The following DOCK3 variants were observed in gnomAD, a reference collection of about 807,000 sequenced individuals.
DOCK3 encodes dedicator of cytokinesis protein 3.
In DOCK3, 60 loss-of-function variants were observed where a neutral mutation model predicts 265.6. The observed-to-expected ratio is 0.23, with a 90% confidence interval of 0.18 to 0.28. DOCK3 has a LOEUF of 0.28. Among genes scored for constraint, DOCK3 ranks in the 10% least tolerant of loss-of-function variants. The probability of loss-of-function intolerance (pLI) is 1.00; values close to 1 mark genes in which losing one functional copy is unlikely to be tolerated. For missense variants in DOCK3, 1,981 were observed against 2,594.3 expected (o/e 0.76, Z 5.14); for synonymous variants, 881 against 938.0 (o/e 0.94, Z 1.11).
chr3:50,814,070 A>G (rs1422144713), intron 2 of DOCK3, among the ~76,000 whole-genome samples: 1 of 151,928 alleles, frequency 6.6e-6, no homozygotes, highest in Non-Finnish European at 1.5e-5. Flanking sequence ...TACTAATATA[A>G]TACTAGTATT....
chr3:50,786,945 A>G, intron 2 of DOCK3: 1 of 740,568 alleles, frequency 1.4e-6, no homozygotes, highest in Non-Finnish European at 2.6e-6. Flanking sequence ...CAGGTTTCAC[A>G]TGTAAATGGC....
At chr3:50,957,921 A>G (rs569678748) in intron 5 of DOCK3, among the ~76,000 whole-genome samples, 3 of 152,060 alleles carry the variant, frequency 2.0e-5, no homozygotes, top group African/African-American at 7.2e-5. Flanking sequence ...AGTTTATTCT[A>G]TTTTTTTCTG....
intron 22 of DOCK3, among the ~76,000 whole-genome samples, chr3:51,259,616 G>A (rs771042705): frequency 1.3e-5 from 2 of 152,204 alleles, no homozygotes; most frequent in Non-Finnish European, 2.9e-5. Context: ...ATCAGCTGCT[G>A]TGCAGCCTGG....
intron 23 of DOCK3, among the ~76,000 whole-genome samples, chr3:51,262,104 C>G (rs766669344): frequency 2.0e-5 from 3 of 152,228 alleles, no homozygotes; most frequent in Non-Finnish European, 4.4e-5. Context: ...CCCTTACCCC[C>G]GTGCCTCCTG....
At chr3:51,019,140 C>T (rs76333733) in intron 5 of DOCK3, among the ~76,000 whole-genome samples, 2,175 of 151,948 alleles carry the variant, frequency 0.014, 33 homozygotes, top group Non-Finnish European at 0.018. Flanking sequence ...ATGTAGTCTA[C>T]TTTATCAGCC....
chr3:51,197,648 T>C (rs936651897), intron 12 of DOCK3, among the ~76,000 whole-genome samples: 1 of 152,118 alleles, frequency 6.6e-6, no homozygotes, highest in Non-Finnish European at 1.5e-5. Context: ...CTAGGTAGGC[T>C]CATGCTCAGA....
intron 1 of DOCK3, among the ~76,000 whole-genome samples, chr3:50,690,445 A>G (rs535990864): frequency 6.6e-6 from 1 of 152,146 alleles, no homozygotes; most frequent in East Asian, 1.9e-4. Flanking sequence ...ATTTTGAAGT[A>G]TATAGTTCCA....
At chr3:51,195,153 G>A (rs1448390189) in intron 12 of DOCK3, among the ~76,000 whole-genome samples, 1 of 151,992 alleles carries the variant, frequency 6.6e-6, no homozygotes, top group African/African-American at 2.4e-5. Context: ...CAAATAGTCG[G>A]ATTGTGGGTT....
intron 5 of DOCK3, among the ~76,000 whole-genome samples, chr3:51,061,106 T>C (rs1246749431): frequency 6.6e-6 from 1 of 152,200 alleles, no homozygotes; most frequent in East Asian, 1.9e-4. Flanking sequence ...ACTTTTACAC[T>C]GTTGGTGGCA....
At chr3:51,200,992 C>T (rs1294611388) in intron 12 of DOCK3, among the ~76,000 whole-genome samples, 4 of 151,856 alleles carry the variant, frequency 2.6e-5, no homozygotes, top group African/African-American at 9.7e-5. Context: ...TTTGTCACCA[C>T]CAGGCCTGCC....
chr3:51,293,460 C>A (rs914853270), intron 27 of DOCK3, among the ~76,000 whole-genome samples: 1 of 152,098 alleles, frequency 6.6e-6, no homozygotes, highest in East Asian at 1.9e-4. Context: ...TATCTCACCC[C>A]CCTATAGAAG....
chr3:51,365,884 T>A (rs1453452993), intron 49 of DOCK3, among the ~76,000 whole-genome samples: 7 of 152,228 alleles, frequency 4.6e-5, no homozygotes, highest in Non-Finnish European at 8.8e-5. Context: ...CTGGATTCAG[T>A]TTGCCAGTAT....
intron 6 of DOCK3, among the ~76,000 whole-genome samples, chr3:51,073,076 G>A (rs1393494704): frequency 1.3e-5 from 2 of 151,836 alleles, no homozygotes; most frequent in Non-Finnish European, 2.9e-5. Context: ...CTAATTGTAG[G>A]CTAGTTCACA....
chr3:50,879,539 T>A (rs2047915081), intron 3 of DOCK3, among the ~76,000 whole-genome samples: 2 of 152,158 alleles, frequency 1.3e-5, no homozygotes, highest in Non-Finnish European at 2.9e-5. Context: ...AAGAAGGGCA[T>A]TACATAATGG....
At chr3:51,034,370 T>G (rs972325885) in intron 5 of DOCK3, among the ~76,000 whole-genome samples, 5 of 152,112 alleles carry the variant, frequency 3.3e-5, no homozygotes, top group South Asian at 2.1e-4. Flanking sequence ...ATAATTTATG[T>G]ATCAGCTTTT....
At chr3:51,048,802 G>A (rs1464262721) in intron 5 of DOCK3, among the ~76,000 whole-genome samples, 1 of 151,956 alleles carries the variant, frequency 6.6e-6, no homozygotes, top group African/African-American at 2.4e-5. Context: ...GGCAGAGCTT[G>A]CAGTGAGCTG....
At chr3:51,175,338 T>C (rs1296813259) in intron 12 of DOCK3, among the ~76,000 whole-genome samples, 1 of 152,136 alleles carries the variant, frequency 6.6e-6, no homozygotes, top group Non-Finnish European at 1.5e-5. Flanking sequence ...CTTGAGTTAC[T>C]GGGAATGCAA....
At chr3:51,057,252 T>C (rs541912381) in intron 5 of DOCK3, among the ~76,000 whole-genome samples, 17 of 152,346 alleles carry the variant, frequency 1.1e-4, no homozygotes, top group South Asian at 4.1e-4. Context: ...GTACTTGGCA[T>C]GCGTTTGTAA....
intron 22 of DOCK3, among the ~76,000 whole-genome samples, chr3:51,251,138 C>G (rs577665293): frequency 1.3e-5 from 2 of 152,066 alleles, no homozygotes; most frequent in Non-Finnish European, 2.9e-5. Context: ...TCTGTCCTTG[C>G]GATAGTTTGC....
Sources: gnomAD v4.1 joint callset for allele counts (sites outside exome capture counted in the v4.1 genomes callset) on GRCh38, gnomAD v4.1.1 for gene constraint, MANE v1.5 for transcripts, NCBI Gene and HGNC (gene_info 2026-07-23, HGNC 2026-07-21) for gene names.